Variants in CPM observed in about 807,000 individuals in gnomAD.
CPM encodes renal carboxypeptidase.
Under a neutral mutation model 46.4 loss-of-function variants are expected in CPM, and 35 were observed. The observed-to-expected ratio is 0.75, with a 90% CI of 0.58 to 1.00. The LOEUF is 1.00. Among genes scored for constraint, CPM ranks in the 50% least tolerant of loss-of-function variants. The probability of loss-of-function intolerance (pLI) is 0.00; values close to 1 mark genes in which losing one functional copy is unlikely to be tolerated. For missense variants in CPM, 422 were observed against 530.4 expected (o/e 0.80, Z 2.01); for synonymous variants, 195 against 195.3 (o/e 1.00, Z 0.01).
chr12:68,928,564 C>T (rs887379605), intron 2 of CPM, among the ~76,000 whole-genome samples: 2 of 152,138 alleles, frequency 1.3e-5, no homozygotes, highest in East Asian at 3.9e-4. Context: ...TTGCTGAGAT[C>T]GAAATAATGT....
At chr12:68,902,793 G>T (rs879463384) in intron 2 of CPM, among the ~76,000 whole-genome samples, 2 of 152,128 alleles carry the variant, frequency 1.3e-5, no homozygotes, top group Admixed American at 6.5e-5. Flanking sequence ...TTACTCTAAG[G>T]TTAATGTTCC....
intron 1 of CPM, among the ~76,000 whole-genome samples, chr12:68,956,742 G>C (rs1409694133): frequency 6.6e-6 from 1 of 152,194 alleles, no homozygotes; most frequent in African/African-American, 2.4e-5. Flanking sequence ...TTTTTTCAGA[G>C]CACCAAATCA....
intron 7 of CPM, among the ~76,000 whole-genome samples, chr12:68,861,568 G>A (rs1240363897): frequency 6.7e-6 from 1 of 150,210 alleles, no homozygotes; most frequent in African/African-American, 2.5e-5. Context: ...GAATTTTGCT[G>A]TTGTTGCCCA....
chr12:68,869,893 G>T (rs976735648), intron 5 of CPM, among the ~76,000 whole-genome samples: 2 of 146,106 alleles, frequency 1.4e-5, no homozygotes, highest in African/African-American at 5.0e-5. Context: ...AAAAAAAAGT[G>T]AGTTGTTCCA....
At chr12:68,869,593 A>T (rs1242511801) in intron 5 of CPM, 98 bp from the exon 6 acceptor site, 1 of 1,062,904 alleles carries the variant, frequency 9.4e-7, no homozygotes, top group Non-Finnish European at 1.3e-6. Context: ...TCACACACAC[A>T]TGCTCTAATT....
At chr12:68,920,651 G>C (rs1887994561) in intron 2 of CPM, among the ~76,000 whole-genome samples, 1 of 150,588 alleles carries the variant, frequency 6.6e-6, no homozygotes, top group East Asian at 1.9e-4. Flanking sequence ...AAATGGAAGG[G>C]TTTCATATCT....
At chr12:68,939,031 C>T (rs1888717747) in intron 1 of CPM, among the ~76,000 whole-genome samples, 1 of 146,422 alleles carries the variant, frequency 6.8e-6, no homozygotes. Flanking sequence ...ATATTATGTA[C>T]ATACATCTAT....
intron 1 of CPM, among the ~76,000 whole-genome samples, chr12:68,954,445 T>C (rs1261428780): frequency 1.3e-5 from 2 of 152,174 alleles, no homozygotes; most frequent in Non-Finnish European, 2.9e-5. Flanking sequence ...CTACCCTCTC[T>C]TGGCTTCTGA....
At chr12:68,932,889 C>A in intron 1 of CPM, 49 bp from the exon 2 acceptor site, 1 of 1,563,292 alleles carries the variant, frequency 6.4e-7, no homozygotes, top group Admixed American at 1.7e-5. Context: ...TGAGGGCAGG[C>A]GGGGGCATCA....
chr12:68,888,951 A>T (rs7974631), intron 2 of CPM, among the ~76,000 whole-genome samples: 24,164 of 152,180 alleles, frequency 0.16, 2,171 homozygotes, highest in African/African-American at 0.25. Context: ...CAGGAGAAAG[A>T]AGAAGGAGAA....
chr12:68,942,998 T>A (rs1421550553), intron 1 of CPM, among the ~76,000 whole-genome samples: 17 of 152,218 alleles, frequency 1.1e-4, no homozygotes, highest in Admixed American at 1.1e-3. Flanking sequence ...AAGCATCAAA[T>A]GGTGTCATTT....
downstream of CPM, chr12:68,850,085 G>C (rs564607016): frequency 2.0e-5 from 3 of 152,212 alleles, no homozygotes; most frequent in East Asian, 5.8e-4. Context: ...AGGAATTCAA[G>C]ACCAACCTGG....
At chr12:68,960,517 G>C (rs1889093172) in intron 1 of CPM, among the ~76,000 whole-genome samples, 1 of 152,070 alleles carries the variant, frequency 6.6e-6, no homozygotes, top group Non-Finnish European at 1.5e-5. Context: ...AAATAGCTAC[G>C]CTGAATCTTG....
intron 3 of CPM, among the ~76,000 whole-genome samples, chr12:68,872,618 G>A (rs1472168088): frequency 1.3e-5 from 2 of 152,170 alleles, no homozygotes; most frequent in East Asian, 3.8e-4. Flanking sequence ...GAGTGGGAGA[G>A]CAAGAGGTTG....
At position 68,870,447 on chromosome 12, in the gene CPM, G is replaced by C. The variant is rs373563182; in HGVS notation, c.432-48C>G. 59 of 1,530,656 alleles carry C rather than the reference G, an allele frequency of 3.9e-5. No individual in the cohort carries two copies. The African/African-American group carries it at 7.8e-4, about 20-fold the overall frequency. 94.8% of individuals were successfully genotyped at this position (1,530,656 alleles called of 1,614,324 possible). A position where few individuals can be genotyped will look rare whatever the true frequency, so the allele number is the denominator to read the frequency against. ...GGGCTTATTGATAGGGCATGAGGGA[G>C]TGGATTCTTACAGTGTCTTGCCCTT... On this transcript the variant is annotated intron_variant, in intron 4 of 8. Transcript: ENST00000551568.
intron 1 of CPM, among the ~76,000 whole-genome samples, chr12:68,948,179 G>C (rs550029281): frequency 6.6e-6 from 1 of 152,128 alleles, no homozygotes; most frequent in Admixed American, 6.5e-5. Flanking sequence ...CTGTTCCCTC[G>C]AGCACCCTGG....
upstream of CPM, among the ~76,000 whole-genome samples, chr12:68,934,286 A>G (rs1162138760): frequency 6.6e-6 from 1 of 152,218 alleles, no homozygotes; most frequent in Admixed American, 6.5e-5. Context: ...GCCCACGACT[A>G]ATTGAATAGA....
At chr12:68,892,533 G>A (rs1327047788) in intron 2 of CPM, among the ~76,000 whole-genome samples, 1 of 152,170 alleles carries the variant, frequency 6.6e-6, no homozygotes, top group East Asian at 1.9e-4. Context: ...CCTGCACTCA[G>A]TTTGAATGCT....
At chr12:68,894,869 C>T (rs1288886391) in intron 2 of CPM, among the ~76,000 whole-genome samples, 1 of 151,802 alleles carries the variant, frequency 6.6e-6, no homozygotes, top group Non-Finnish European at 1.5e-5. Flanking sequence ...ACTGTCACCA[C>T]TAAAAATACA....
Sources: allele counts gnomAD v4.1 joint callset (sites outside exome capture counted in the v4.1 genomes callset), GRCh38; gene constraint gnomAD v4.1.1; transcripts MANE v1.5; gene names NCBI Gene and HGNC (gene_info 2026-07-23, HGNC 2026-07-21).